RBFOX1: variants seen among roughly 807,000 people sequenced by gnomAD.
RBFOX1 encodes the protein RNA binding fox-1 homolog 1.
In RBFOX1, 8 loss-of-function variants were observed where a neutral mutation model predicts 57.7. The observed-to-expected ratio is 0.14, with a 90% CI of 0.08 to 0.25. The LOEUF is 0.25. RBFOX1 is among the 10% of genes least tolerant of loss of function. The probability of loss-of-function intolerance (pLI) is 1.00; values close to 1 mark genes in which losing one functional copy is unlikely to be tolerated. For synonymous variants in RBFOX1, 326 were observed against 222.4 expected (o/e 1.47, Z -4.15); for missense variants, 611 against 548.5 (o/e 1.11, Z -1.14).
intron 4 of RBFOX1, among the ~76,000 whole-genome samples, chr16:7,190,281 C>T (rs1039120565): frequency 2.0e-5 from 3 of 152,122 alleles, no homozygotes; most frequent in African/African-American, 7.2e-5. Context: ...ATCACTTGAA[C>T]GCAGGAGGCG....
At chr16:6,920,615 G>C (rs995307007) in intron 3 of RBFOX1, among the ~76,000 whole-genome samples, 2 of 152,192 alleles carry the variant, frequency 1.3e-5, no homozygotes. Flanking sequence ...AAGATGTGGA[G>C]ATATTAGCTC....
At chr16:6,641,911 T>A (rs1443228588) in intron 2 of RBFOX1, among the ~76,000 whole-genome samples, 1 of 152,248 alleles carries the variant, frequency 6.6e-6, no homozygotes, top group Admixed American at 6.5e-5. Flanking sequence ...CTGACCCAGT[T>A]AGGGCTTCTT....
intron 2 of RBFOX1, among the ~76,000 whole-genome samples, chr16:6,602,925 G>C (rs741170): frequency 6.6e-6 from 1 of 151,824 alleles, no homozygotes; most frequent in African/African-American, 2.4e-5. Context: ...CTAATAAAAC[G>C]AGAGCTGGAG....
intron 1 of RBFOX1, among the ~76,000 whole-genome samples, chr16:6,262,833 A>T (rs1249791436): frequency 6.6e-6 from 1 of 152,200 alleles, no homozygotes; most frequent in Non-Finnish European, 1.5e-5. Flanking sequence ...CCAGGGTCAC[A>T]GTGGGCAACA....
chr16:5,282,142 A>C (rs1222490513), intron 1 of RBFOX1, among the ~76,000 whole-genome samples: 2 of 152,102 alleles, frequency 1.3e-5, no homozygotes, highest in Non-Finnish European at 2.9e-5. Context: ...AGAGGTTTTA[A>C]AAGGAGGAGT....
chr16:7,560,399 C>T (rs1349172089), intron 5 of RBFOX1, among the ~76,000 whole-genome samples: 4 of 150,482 alleles, frequency 2.7e-5, no homozygotes, highest in African/African-American at 9.8e-5. Flanking sequence ...CAATGAGAAA[C>T]TGACAAAAGG....
chr16:5,357,754 G>A (rs1395946365), intron 1 of RBFOX1, among the ~76,000 whole-genome samples: 2 of 152,180 alleles, frequency 1.3e-5, no homozygotes, highest in East Asian at 3.9e-4. Context: ...CTGTTAGTCA[G>A]AATCTCCCCC....
intron 4 of RBFOX1, among the ~76,000 whole-genome samples, chr16:7,146,697 C>T (rs1439717633): frequency 6.6e-6 from 1 of 151,922 alleles, no homozygotes. Flanking sequence ...GCCTGCAATC[C>T]TGGCAGTTTG....
intron 4 of RBFOX1, among the ~76,000 whole-genome samples, chr16:7,132,875 T>C (rs1215204677): frequency 6.6e-6 from 1 of 152,230 alleles, no homozygotes; most frequent in Non-Finnish European, 1.5e-5. Context: ...CACGTGGTGA[T>C]AAATAGGTCC....
At chr16:5,607,036 G>C (rs1395733227) in intron 3 of RBFOX1, among the ~76,000 whole-genome samples, 2 of 152,134 alleles carry the variant, frequency 1.3e-5, no homozygotes, top group Admixed American at 1.3e-4. Flanking sequence ...ATCTCCCTGG[G>C]ACCTGGCTTA....
chr16:5,744,455 C>G (rs9928367), intron 3 of RBFOX1, among the ~76,000 whole-genome samples: 37,904 of 152,048 alleles, frequency 0.25, 5,555 homozygotes, highest in East Asian at 0.57. Flanking sequence ...GAAGGGCACC[C>G]CCCATCGATG....
At chr16:6,339,160 T>C (rs2084177617) in intron 2 of RBFOX1, among the ~76,000 whole-genome samples, 1 of 152,244 alleles carries the variant, frequency 6.6e-6, no homozygotes, top group Non-Finnish European at 1.5e-5. Context: ...TGCCAGGCAC[T>C]GTGCTGCTGA....
chr16:7,062,042 G>A (rs571975389), intron 4 of RBFOX1, among the ~76,000 whole-genome samples: 66 of 152,250 alleles, frequency 4.3e-4, no homozygotes, highest in African/African-American at 1.5e-3. Flanking sequence ...ACGAGGCCGG[G>A]TGTGGTGGCT....
At chr16:6,905,707 G>A (rs1433084053) in intron 3 of RBFOX1, among the ~76,000 whole-genome samples, 1 of 152,158 alleles carries the variant, frequency 6.6e-6, no homozygotes, top group African/African-American at 2.4e-5. Flanking sequence ...AATCATCCCT[G>A]TTAGAAAGAA....
intron 2 of RBFOX1, among the ~76,000 whole-genome samples, chr16:6,565,092 C>G (rs1193103801): frequency 3.5e-5 from 5 of 142,748 alleles, no homozygotes; most frequent in Non-Finnish European, 6.0e-5. Context: ...GATTGCATCA[C>G]TGCACTCCAG....
intron 4 of RBFOX1, among the ~76,000 whole-genome samples, chr16:5,926,129 C>G (rs2058935818): frequency 6.6e-6 from 1 of 152,206 alleles, no homozygotes; most frequent in African/African-American, 2.4e-5. Context: ...ATATTGTTAT[C>G]TCTTCCAGTG....
intron 4 of RBFOX1, among the ~76,000 whole-genome samples, chr16:7,482,510 G>A (rs2064237145): frequency 7.1e-6 from 1 of 140,000 alleles, no homozygotes; most frequent in African/African-American, 2.6e-5. Context: ...TAAATCAAGA[G>A]TTTGCATGCA....
In RBFOX1 at chr16:6,097,814, C is replaced by T. The variant is rs1438926786; in HGVS notation, c.-127+77822C>T. On this transcript the variant is annotated intron_variant, in intron 1 of 15. Coordinates refer to ENST00000550418, the MANE Select transcript of RBFOX1 (RefSeq NM_018723.4). This position sits in a 1 kb window ranked among gnomAD's most constrained non-coding sequence, Gnocchi z 5.0. ...AAATTCTTATTTATTTATTTTCTAT[C>T]ACCGTACTTACTGGTGGAGTGGAAG... Among the ~76,000 whole-genome samples the T allele has an allele frequency of 1.3e-5, 2 of 151,014 alleles. No individual in the cohort carries two copies. Among genetic ancestry groups the T allele is most frequent in the East Asian group, 3.9e-4 (2 of 5,102 alleles).
intron 5 of RBFOX1, among the ~76,000 whole-genome samples, chr16:7,539,607 T>C (rs751848730): frequency 1.3e-5 from 2 of 152,168 alleles, no homozygotes; most frequent in Non-Finnish European, 2.9e-5. Context: ...ATCTTCTACA[T>C]AGAGGTGATG....
Sources: gnomAD v4.1 joint callset for allele counts (sites outside exome capture counted in the v4.1 genomes callset) on GRCh38, gnomAD v4.1.1 for gene constraint, Gnocchi (gnomAD v3.1) non-coding constraint, MANE v1.5 for transcripts, NCBI Gene and HGNC (gene_info 2026-07-23, HGNC 2026-07-21) for gene names.